The following SORCS3 variants were observed in gnomAD, a reference collection of about 807,000 sequenced individuals.
SORCS3 encodes the protein sortilin related VPS10 domain containing receptor 3.
A neutral mutation model predicts 146.3 loss-of-function variants in SORCS3; 57 were observed. The observed-to-expected ratio is 0.39, with a 90% CI of 0.31 to 0.49. The LOEUF (loss-of-function observed/expected upper bound fraction) is 0.49, where lower values mean the gene tolerates loss of function less well. SORCS3 is among the 20% of genes least tolerant of loss of function. SORCS3 has a pLI of 0.92. For synonymous variants in SORCS3, 653 were observed against 618.5 expected, an observed-to-expected ratio of 1.06 and a Z score of -0.83; for missense variants, 1,341 against 1,575.5, an observed-to-expected ratio of 0.85 and a Z score of 2.52.
chr10:105,083,329 C>T (rs2055638040), intron 5 of SORCS3, among the ~76,000 whole-genome samples: 2 of 151,748 alleles, frequency 1.3e-5, no homozygotes, highest in South Asian at 4.2e-4. Context: ...AGACATTAAG[C>T]ACAGGGAGCT....
Position 105,123,162 on chromosome 10 carries a change from G to A in SORCS3, c.1213-16235G>A, listed in dbSNP as rs962004086. On this transcript the variant is annotated intron_variant, in intron 7 of 26. Transcript: ENST00000369701. The stretch of plus-strand genomic sequence containing the variant: ...TCTATATTAAAGAGGGTGAGGGGCC[G>A]TATGAGCTTCACCACCCACCCAGAC... Among the ~76,000 whole-genome samples, 11 of 152,334 alleles carry A rather than the reference G, an allele frequency of 7.2e-5. No individual in the cohort carries two copies. In the East Asian group the frequency reaches 7.7e-4, roughly 11 times the overall value.
At chr10:104,808,901 C>T (rs1401143889) in intron 1 of SORCS3, among the ~76,000 whole-genome samples, 2 of 152,264 alleles carry the variant, frequency 1.3e-5, no homozygotes, top group South Asian at 2.1e-4. Context: ...AACTTGAAGA[C>T]GTGCTGGTGA....
chr10:104,966,780 T>A (rs1221206271), intron 3 of SORCS3, among the ~76,000 whole-genome samples: 1 of 152,178 alleles, frequency 6.6e-6, no homozygotes, highest in Non-Finnish European at 1.5e-5. Flanking sequence ...AATACTAATG[T>A]TGACTGGTTT....
intron 1 of SORCS3, among the ~76,000 whole-genome samples, chr10:104,736,301 G>T (rs926854810): frequency 6.6e-6 from 1 of 152,152 alleles, no homozygotes; most frequent in Non-Finnish European, 1.5e-5. Context: ...GGCGGGTTGA[G>T]GGGGGCAGGA....
At chr10:104,982,896 T>A (rs979017572) in intron 4 of SORCS3, among the ~76,000 whole-genome samples, 5 of 152,186 alleles carry the variant, frequency 3.3e-5, no homozygotes, top group African/African-American at 1.2e-4. Context: ...GCAGTAAGGA[T>A]CTCCATTCAT....
At chr10:105,216,861 A>AT in intron 18 of SORCS3, 75 bp from the exon 19 acceptor site, 2 of 1,446,288 alleles carry the variant, frequency 1.4e-6, no homozygotes, top group Non-Finnish European at 1.9e-6. Context: ...TTGATGCTGA[A>AT]GCAACAGGAG....
intron 2 of SORCS3, among the ~76,000 whole-genome samples, chr10:104,883,975 T>TCG (rs1554856910): frequency 3.4e-5 from 5 of 145,554 alleles, no homozygotes; most frequent in Admixed American, 2.7e-4. Flanking sequence ...TGCTGTGGAA[T>TCG]GAGGGGGGGG....
At chr10:104,995,327 CTT>C (rs921342980) in intron 4 of SORCS3, among the ~76,000 whole-genome samples, 115 of 151,774 alleles carry the variant, frequency 7.6e-4, no homozygotes, top group African/African-American at 2.6e-3. Flanking sequence ...GACCGGCTAA[CTT>C]TTGTATTTTT....
chr10:104,906,463 C>T (rs1232068133), intron 2 of SORCS3, among the ~76,000 whole-genome samples: 1 of 152,168 alleles, frequency 6.6e-6, no homozygotes, highest in Non-Finnish European at 1.5e-5. Flanking sequence ...GGCAGTTTCT[C>T]CTTCTGTGAT....
chr10:104,970,777 G>A (rs1442720373), intron 3 of SORCS3, among the ~76,000 whole-genome samples: 2 of 152,152 alleles, frequency 1.3e-5, no homozygotes, highest in Non-Finnish European at 2.9e-5. Flanking sequence ...AGAGGGAAAG[G>A]ACTGTGAATT....
At chr10:104,941,020 C>T (rs561844938) in intron 3 of SORCS3, among the ~76,000 whole-genome samples, 1 of 152,300 alleles carries the variant, frequency 6.6e-6, no homozygotes, top group South Asian at 2.1e-4. Context: ...AGGGTAACTT[C>T]CAGGTGTTGC....
At chr10:104,865,281 C>T (rs1019166846) in intron 2 of SORCS3, among the ~76,000 whole-genome samples, 2 of 151,978 alleles carry the variant, frequency 1.3e-5, no homozygotes, top group African/African-American at 2.4e-5. Flanking sequence ...GAAGGCAGGC[C>T]GGAATCCACA....
chr10:104,658,771 C>A lies in SORCS3; in HGVS notation c.627+16817C>A, dbSNP rs141033917. 1.8e-3 allele frequency among the ~76,000 whole-genome samples: 281 copies of A among 152,194 alleles called. 1 individual carries two copies. Among genetic ancestry groups the A allele is most frequent in the African/African-American group, 6.4e-3 (265 of 41,502 alleles). ...GATGGTGATAGCTTACAATTGTTACCTGAGTGGGCTCATGCTGCAATAGGA... is the reference window on the plus strand; with the variant it reads ...GATGGTGATAGCTTACAATTGTTACATGAGTGGGCTCATGCTGCAATAGGA... On this transcript the variant is annotated intron_variant, in intron 1 of 26. Transcript: ENST00000369701.
At chr10:105,007,970 G>T (rs1018534228) in intron 4 of SORCS3, among the ~76,000 whole-genome samples, 2 of 152,138 alleles carry the variant, frequency 1.3e-5, no homozygotes, top group African/African-American at 4.8e-5. Flanking sequence ...ACTTAAGGTT[G>T]ACCTAAAAGA....
intron 13 of SORCS3, among the ~76,000 whole-genome samples, chr10:105,171,058 G>T (rs1303094542): frequency 6.6e-6 from 1 of 152,060 alleles, no homozygotes; most frequent in Non-Finnish European, 1.5e-5. Flanking sequence ...ATTAATATTT[G>T]AATAGGAAAA....
At chr10:104,852,647 A>G (rs542821049) in intron 2 of SORCS3, among the ~76,000 whole-genome samples, 1 of 152,234 alleles carries the variant, frequency 6.6e-6, no homozygotes, top group South Asian at 2.1e-4. Flanking sequence ...ATTTGCTTCT[A>G]AAGTTGTTTT....
chr10:105,007,695 A>C (rs2055105419), intron 4 of SORCS3, among the ~76,000 whole-genome samples: 1 of 151,872 alleles, frequency 6.6e-6, no homozygotes, highest in Non-Finnish European at 1.5e-5. Flanking sequence ...AGTTCATGAC[A>C]TGAACATTTA....
At chr10:104,703,166 G>A (rs769279235) in intron 1 of SORCS3, among the ~76,000 whole-genome samples, 1 of 152,230 alleles carries the variant, frequency 6.6e-6, no homozygotes, top group Non-Finnish European at 1.5e-5. Flanking sequence ...AAGAAAGCCA[G>A]TTGGATGGCA....
intron 2 of SORCS3, among the ~76,000 whole-genome samples, chr10:104,887,971 G>GGC (rs1554857311): frequency 6.0e-5 from 5 of 83,120 alleles, no homozygotes; most frequent in Admixed American, 2.0e-4. Context: ...GGGGGGCGGG[G>GGC]GCGGAGCAAG....
Sources: gnomAD v4.1 joint callset for allele counts (sites outside exome capture counted in the v4.1 genomes callset) on GRCh38, gnomAD v4.1.1 for gene constraint, MANE v1.5 for transcripts, NCBI Gene and HGNC (gene_info 2026-07-23, HGNC 2026-07-21) for gene names.